The following MEI4 variants were observed in gnomAD, a reference collection of about 807,000 sequenced individuals.
MEI4 encodes the protein meiosis-specific protein MEI4.
MEI4 carries 27 observed loss-of-function variants against 31.4 expected under a neutral mutation model. The observed-to-expected ratio is 0.86, with a 90% CI of 0.63 to 1.19. The LOEUF is 1.19. MEI4 is among the 50% of genes most tolerant of loss of function. The pLI, the probability that MEI4 is intolerant of heterozygous loss-of-function variation, is 0.00. For missense variants in MEI4, 329 were observed against 398.9 expected, an observed-to-expected ratio of 0.82 and a Z score of 1.49; for synonymous variants, 122 against 145.4, an observed-to-expected ratio of 0.84 and a Z score of 1.16.
At chr6:77,698,777 T>C (rs1582035648) in intron 2 of MEI4, among the ~76,000 whole-genome samples, 1 of 152,260 alleles carries the variant, frequency 6.6e-6, no homozygotes, top group South Asian at 2.1e-4. Context: ...AGTATCTTTG[T>C]GACATTTTCT....
At chr6:77,729,054 C>T (rs1766902620) in intron 2 of MEI4, among the ~76,000 whole-genome samples, 1 of 151,934 alleles carries the variant, frequency 6.6e-6, no homozygotes, top group Non-Finnish European at 1.5e-5. Flanking sequence ...GAAGAGAAGC[C>T]CCGGAAAGGG....
At chr6:77,755,024 T>C (rs910158130) in intron 2 of MEI4, among the ~76,000 whole-genome samples, 3 of 152,082 alleles carry the variant, frequency 2.0e-5, no homozygotes, top group Admixed American at 2.0e-4. Context: ...TAGAAATAAG[T>C]AAGAAAGGTA....
chr6:77,802,232 A>C (rs187702595), intron 3 of MEI4, among the ~76,000 whole-genome samples: 59 of 151,966 alleles, frequency 3.9e-4, no homozygotes, highest in African/African-American at 1.3e-3. Context: ...TAATGGCCTT[A>C]TTTGTCTCTT....
chr6:77,683,745 G>A (rs192747865), intron 1 of MEI4, among the ~76,000 whole-genome samples: 52 of 152,236 alleles, frequency 3.4e-4, no homozygotes, highest in East Asian at 3.1e-3. Context: ...AGACTGAATA[G>A]CATTTCATTA....
chr6:77,917,908 G>A (rs868090191), intron 4 of MEI4, among the ~76,000 whole-genome samples: 237 of 147,892 alleles, frequency 1.6e-3, no homozygotes, highest in African/African-American at 4.8e-3. Context: ...TAGGTCTAAC[G>A]TTTAAGTCTT....
intron 3 of MEI4, among the ~76,000 whole-genome samples, chr6:77,781,100 G>A (rs1376079051): frequency 6.6e-6 from 1 of 151,808 alleles, no homozygotes; most frequent in Non-Finnish European, 1.5e-5. Flanking sequence ...GTCTTGCTTT[G>A]CTGCCCAGGC....
chr6:77,714,190 A>G (rs1037218441), intron 2 of MEI4, among the ~76,000 whole-genome samples: 8 of 151,964 alleles, frequency 5.3e-5, no homozygotes, highest in African/African-American at 1.9e-4. Flanking sequence ...AATTGTCTGT[A>G]CAACACACTC....
intron 4 of MEI4, among the ~76,000 whole-genome samples, chr6:77,892,026 G>GA (rs1771778889): frequency 6.6e-6 from 1 of 152,174 alleles, no homozygotes; most frequent in African/African-American, 2.4e-5. Flanking sequence ...CTGGCCCCCA[G>GA]GCAGTGTCCA....
upstream of MEI4, among the ~76,000 whole-genome samples, chr6:77,652,199 G>T (rs917699514): frequency 9.8e-5 from 15 of 152,290 alleles, no homozygotes; most frequent in African/African-American, 3.6e-4. Flanking sequence ...TTAGAGATCA[G>T]TTAGAAGGCT....
chr6:77,660,805 AG>A lies in MEI4; in HGVS notation c.-15+7715del, dbSNP rs1316802166. Reference sequence around the variant, plus strand: ...TTCTGGAATGGTGAACCCAGTGGGGAGGATCCTGCAGGCGGACGGCAGTCAG... The same window carrying A: ...TTCTGGAATGGTGAACCCAGTGGGGAGATCCTGCAGGCGGACGGCAGTCAG... On this transcript the variant is annotated intron_variant, in intron 1 of 4. Coordinates refer to ENST00000684080, the MANE Select transcript of MEI4 (RefSeq NM_001322247.2). Among the ~76,000 whole-genome samples the A allele has an allele frequency of 3.3e-5, 5 of 152,132 alleles. No individual in the cohort carries two copies. The East Asian group carries it at 9.6e-4, about 29-fold the overall frequency.
At chr6:77,773,533 T>C (rs1768366711) in intron 3 of MEI4, among the ~76,000 whole-genome samples, 1 of 151,990 alleles carries the variant, frequency 6.6e-6, no homozygotes, top group Non-Finnish European at 1.5e-5. Context: ...AAAAATCAAA[T>C]CACAGTGGAT....
At chr6:77,747,872 G>A (rs575928605) in intron 2 of MEI4, among the ~76,000 whole-genome samples, 25 of 152,302 alleles carry the variant, frequency 1.6e-4, no homozygotes, top group African/African-American at 6.0e-4. Context: ...AAGATACAAT[G>A]GGGGTACTGG....
At chr6:77,799,985 T>G (rs1372943812) in intron 3 of MEI4, among the ~76,000 whole-genome samples, 1 of 152,154 alleles carries the variant, frequency 6.6e-6, no homozygotes, top group East Asian at 1.9e-4. Flanking sequence ...GGGGCTCTTT[T>G]TTGGTTCCAT....
intron 1 of MEI4, among the ~76,000 whole-genome samples, chr6:77,666,312 A>G (rs1398213420): frequency 2.0e-5 from 3 of 152,178 alleles, no homozygotes; most frequent in Admixed American, 6.5e-5. Flanking sequence ...ACAAATCACA[A>G]TAGTGGAATG....
At chr6:77,673,562 G>A (rs929868542) in intron 1 of MEI4, among the ~76,000 whole-genome samples, 1 of 152,110 alleles carries the variant, frequency 6.6e-6, no homozygotes, top group Non-Finnish European at 1.5e-5. Context: ...CACCCTCTTG[G>A]GGGTGTTGGT....
At chr6:77,805,242 A>G (rs955618528) in intron 3 of MEI4, among the ~76,000 whole-genome samples, 1 of 152,088 alleles carries the variant, frequency 6.6e-6, no homozygotes, top group East Asian at 1.9e-4. Context: ...ATTAGATACC[A>G]TACTTCTGTA....
intron 1 of MEI4, among the ~76,000 whole-genome samples, chr6:77,675,423 G>A (rs1444966826): frequency 6.6e-6 from 1 of 151,800 alleles, no homozygotes; most frequent in African/African-American, 2.4e-5. Context: ...TAGGTTTAAT[G>A]TGCTATATGT....
intron 3 of MEI4, among the ~76,000 whole-genome samples, chr6:77,767,869 G>GT (rs1212117361): frequency 6.6e-6 from 1 of 152,106 alleles, no homozygotes; most frequent in African/African-American, 2.4e-5. Flanking sequence ...TCAAAGCAGT[G>GT]TTTAACTTTC....
chr6:77,850,920 G>T (rs1489343535), intron 4 of MEI4, among the ~76,000 whole-genome samples: 1 of 151,912 alleles, frequency 6.6e-6, no homozygotes, highest in African/African-American at 2.4e-5. Context: ...AATCTACAAA[G>T]AACTCAAACA....
Sources: gnomAD v4.1 joint callset for allele counts (sites outside exome capture counted in the v4.1 genomes callset) on GRCh38, gnomAD v4.1.1 for gene constraint, MANE v1.5 for transcripts, NCBI Gene and HGNC (gene_info 2026-07-23, HGNC 2026-07-21) for gene names.